AKAP8: variants seen among roughly 807,000 people sequenced by gnomAD.
AKAP8 encodes the protein A-kinase anchoring protein 8.
In AKAP8, 24 loss-of-function variants were observed where a neutral mutation model predicts 67.5. The observed-to-expected ratio is 0.36, with a 90% CI of 0.26 to 0.50. The LOEUF is 0.50. AKAP8 is among the 20% of genes least tolerant of loss of function. The probability of loss-of-function intolerance (pLI) is 0.97; values close to 1 mark genes in which losing one functional copy is unlikely to be tolerated. For synonymous variants in AKAP8, 400 were observed against 371.1 expected, an observed-to-expected ratio of 1.08 and a Z score of -0.90; for missense variants, 971 against 955.9, an observed-to-expected ratio of 1.02 and a Z score of -0.21.
intron 1 of AKAP8, 124 bp from the exon 2 acceptor site, chr19:15,377,138 C>CT (rs1299557005): frequency 3.8e-6 from 4 of 1,065,984 alleles, no homozygotes; most frequent in Non-Finnish European, 4.0e-6. Flanking sequence ...AAGACTCCCC[C>CT]CCACCCCACC....
chr19:15,371,890 A>C (rs1599569137), intron 7 of AKAP8, 62 bp downstream of exon 7: 1 of 1,563,948 alleles, frequency 6.4e-7, no homozygotes. Flanking sequence ...TTTGTGAGGA[A>C]GGGTGATTAA....
chr19:15,355,454 C>T (rs2048272213), intron 13 of AKAP8, 84 bp from the exon 14 acceptor site: 1 of 1,294,480 alleles, frequency 7.7e-7, no homozygotes, highest in Non-Finnish European at 1.1e-6. Context: ...CTTTTCAGAA[C>T]CAGCAGTCCA....
chr19:15,362,089 C>T (rs768332718), intron 10 of AKAP8, 21 bp downstream of exon 10: 59 of 1,612,418 alleles, frequency 3.7e-5, no homozygotes, highest in South Asian at 1.4e-4. Flanking sequence ...GACGCGGTGA[C>T]GGGGCCCAGG....
chr19:15,359,776 G>C (rs1047758767), intron 12 of AKAP8, among the ~76,000 whole-genome samples: 1 of 152,102 alleles, frequency 6.6e-6, no homozygotes, highest in African/African-American at 2.4e-5. Flanking sequence ...CCAAGTCTCT[G>C]TTTTAGAGCC....
In AKAP8 at chr19:15,353,520, ATC is replaced by A. The variant is rs1441181733; in HGVS notation, c.*1393_*1394del. 6.6e-6 allele frequency: 1 copy of A among 151,934 alleles called. No individual in the cohort carries two copies. Among genetic ancestry groups the A allele is most frequent in the Non-Finnish European group, 1.5e-5 (1 of 67,976 alleles). 9.4% of individuals were successfully genotyped at this position (151,934 alleles called of 1,614,324 possible). ...TGAGCAGAAATGACCCAGAGGCACCATCGTCTTTTCAAGCAGTTTATTTCCAT... is the reference window on the plus strand; with the variant it reads ...TGAGCAGAAATGACCCAGAGGCACCAGTCTTTTCAAGCAGTTTATTTCCAT... On this transcript the variant is annotated 3_prime_UTR_variant, in exon 14 of 14. Coordinates refer to ENST00000269701, the MANE Select transcript of AKAP8 (RefSeq NM_005858.4).
At chr19:15,379,319 C>T (rs879553617) in intron 1 of AKAP8, 52 of 221,602 alleles carry the variant, frequency 2.3e-4, no homozygotes, top group Non-Finnish European at 3.9e-4. Context: ...GCTCCGCCCC[C>T]CTAGCGCCGC....
chr19:15,353,805 ATTC>A lies in AKAP8; in HGVS notation c.*1107_*1109del, dbSNP rs1041659482. The stretch of plus-strand genomic sequence containing the variant: ...CATTTCAAAAGGGGAGGATCTTCCA[ATTC>A]TTCTGATTTTAGGAAATTCTGTTGC... On this transcript the variant is annotated 3_prime_UTR_variant, in exon 14 of 14. Coordinates refer to ENST00000269701, the MANE Select transcript of AKAP8 (RefSeq NM_005858.4). The A allele has an allele frequency of 2.6e-5, 4 of 152,170 alleles. No homozygotes were observed. Among genetic ancestry groups the A allele is most frequent in the Admixed American group, 6.6e-5 (1 of 15,244 alleles). 9.4% of individuals were successfully genotyped at this position (152,170 alleles called of 1,614,324 possible).
Position 15,353,925 on chromosome 19 carries a change from A to G in AKAP8, c.*990T>C, listed in dbSNP as rs1187238863. 1 of 57,536 alleles carries G rather than the reference A, an allele frequency of 1.7e-5. No individual in the cohort carries two copies. Among genetic ancestry groups the G allele is most frequent in the Non-Finnish European group, 3.5e-5 (1 of 28,440 alleles). The allele number at this position is 57,536 out of a possible 1,614,324, so 3.6% of individuals were successfully genotyped here. On this transcript the variant is annotated 3_prime_UTR_variant, in exon 14 of 14. Coordinates refer to ENST00000269701, the MANE Select transcript of AKAP8 (RefSeq NM_005858.4). ...TTCTCTAAAATGAAACATATATTTC[A>G]TTTTATATATATATATATATATTAC...
chr19:15,361,891 A>T (rs1966972566), intron 10 of AKAP8, 69 bp from the exon 11 acceptor site: 2 of 1,466,536 alleles, frequency 1.4e-6, no homozygotes, highest in Non-Finnish European at 1.9e-6. Context: ...CTCAACTGCC[A>T]GGGCTAGGCA....
chr19:15,370,443 C>T (rs1000539826), intron 7 of AKAP8, among the ~76,000 whole-genome samples: 1 of 152,126 alleles, frequency 6.6e-6, no homozygotes, highest in Non-Finnish European at 1.5e-5. Flanking sequence ...TCTCTCGGTT[C>T]CTCCTAAGCT....
intron 11 of AKAP8, 135 bp downstream of exon 11, chr19:15,361,594 C>T (rs947917858): frequency 5.7e-5 from 39 of 684,546 alleles, no homozygotes; most frequent in Non-Finnish European, 9.0e-5. Context: ...CCTCATGATC[C>T]GCCTGCCTCA....
chr19:15,358,238 C>T (rs1295978842), intron 13 of AKAP8, among the ~76,000 whole-genome samples: 37 of 152,182 alleles, frequency 2.4e-4, no homozygotes, highest in Admixed American at 2.4e-3. Flanking sequence ...CGATATGCTG[C>T]TCCCATCATG....
chr19:15,360,013 T>C (rs992176672), intron 12 of AKAP8, among the ~76,000 whole-genome samples: 2 of 151,900 alleles, frequency 1.3e-5, no homozygotes, highest in Non-Finnish European at 2.9e-5. Flanking sequence ...TGGGCGCCTG[T>C]AATCCCAGCT....
chr19:15,366,576 C>A (rs535391099), intron 9 of AKAP8, among the ~76,000 whole-genome samples: 2 of 150,898 alleles, frequency 1.3e-5, no homozygotes, highest in African/African-American at 4.9e-5. Context: ...CCGTCGCCCA[C>A]GCTGGAGTGC....
chr19:15,368,842 G>A (rs1352212338), intron 8 of AKAP8: 5 of 985,070 alleles, frequency 5.1e-6, no homozygotes, highest in Non-Finnish European at 6.0e-6. Context: ...TTGCTGGCCC[G>A]ACCTCTATCT....
In AKAP8 at chr19:15,370,153, C is replaced by A; in HGVS notation, c.1065G>T (p.Arg355Ser). The A allele has an allele frequency of 6.2e-7, 1 of 1,614,174 alleles. No individual in the cohort carries two copies. The highest frequency in any genetic ancestry group is 8.5e-7 in the Non-Finnish European group (1 of 1,180,022). Residue 355 changes from arginine (R) to serine (S), a missense_variant, in exon 8 of 14, where the codon AGG becomes AGT. Around this residue, in one of 3 missense-constraint regions of AKAP8, gnomAD observed 763 missense variants for 745.4 expected, o/e 1.02. Transcript: ENST00000269701. Reference sequence around the variant, plus strand: ...GGACACGGTGATGCCTACCTCTTTGCCTCCCAGAGTCGCAGAGTTCATCCT... The same window carrying A: ...GGACACGGTGATGCCTACCTCTTTGACTCCCAGAGTCGCAGAGTTCATCCT... Reference protein sequence around the residue: ...KGEDELCDSGRQRGEKEDEDE... With the variant: ...KGEDELCDSGSQRGEKEDEDE...
intron 1 of AKAP8, 148 bp from the exon 2 acceptor site, chr19:15,377,162 C>T: frequency 1.2e-6 from 1 of 855,008 alleles, no homozygotes. Flanking sequence ...AAAAAGCCAT[C>T]ACACAACTGG....
At position 15,379,741 on chromosome 19, in the gene AKAP8, G is replaced by A. The variant is rs761452803; in HGVS notation, c.-10C>T. ...CGTAGCCCTGGTCCATGTCTTCGACGCGGCCCACCAGCAGCCCCGTTTACT... is the reference window on the plus strand; with the variant it reads ...CGTAGCCCTGGTCCATGTCTTCGACACGGCCCACCAGCAGCCCCGTTTACT... On this transcript the variant is annotated 5_prime_UTR_variant, in exon 1 of 14. Coordinates refer to ENST00000269701, the MANE Select transcript of AKAP8 (RefSeq NM_005858.4). 4 of 1,611,146 alleles carry A rather than the reference G, an allele frequency of 2.5e-6. No homozygotes were observed. The highest frequency in any genetic ancestry group is 4.5e-5 in the East Asian group (2 of 44,600).
intron 8 of AKAP8, 55 bp from the exon 9 acceptor site, chr19:15,368,377 C>A: frequency 3.7e-6 from 6 of 1,610,692 alleles, no homozygotes; most frequent in East Asian, 4.5e-5. Flanking sequence ...AGGAGCTGAG[C>A]TCCAGGGCCT....
Sources: gnomAD v4.1 joint callset for allele counts (sites outside exome capture counted in the v4.1 genomes callset) on GRCh38, gnomAD v4.1.1 for gene constraint, gnomAD v4.1.1 regional missense constraint, MANE v1.5 for transcripts, NCBI Gene and HGNC (gene_info 2026-07-23, HGNC 2026-07-21) for gene names.